AP2A2: variants seen among roughly 807,000 people sequenced by gnomAD.
AP2A2 encodes AP-2 complex subunit alpha-2.
Under a neutral mutation model 104.2 loss-of-function variants are expected in AP2A2, and 32 were observed. The ratio of observed to expected loss-of-function variants is 0.31; its 90% CI spans 0.23 to 0.41. The LOEUF (loss-of-function observed/expected upper bound fraction) is 0.41. Among genes scored for constraint, AP2A2 ranks in the 10% least tolerant of loss-of-function variants. The probability of loss-of-function intolerance (pLI) is 1.00; values close to 1 mark genes in which losing one functional copy is unlikely to be tolerated. For synonymous variants in AP2A2, 539 were observed against 533.3 expected (o/e 1.01, Z -0.15); for missense variants, 912 against 1,261.0 (o/e 0.72, Z 4.19).
chr11:977,253 G>A (rs200699117), intron 5 of AP2A2, 29 bp downstream of exon 5: 132 of 1,552,908 alleles, frequency 8.5e-5, no homozygotes, highest in Admixed American at 2.6e-4. Flanking sequence ...GGTTCTCCCC[G>A]CTCCCCCAGG....
intron 1 of AP2A2, chr11:933,535 A>T (rs1464122853): frequency 2.2e-6 from 1 of 456,258 alleles, no homozygotes; most frequent in Non-Finnish European, 4.4e-6. Context: ...GTGTGGTAAG[A>T]TGAGCTCTGT....
rs767320784 is a variant in AP2A2, at chr11:986,929, C to T, written c.1107C>T (p.Ile369=). 33 of 1,594,568 alleles carry T rather than the reference C, an allele frequency of 2.1e-5. No individual in the cohort carries two copies. Among genetic ancestry groups the T allele is most frequent in the Admixed American group, 3.5e-5 (2 of 57,006 alleles). Residue 369 remains isoleucine (I), a synonymous_variant, in exon 9 of 22, where the codon ATC becomes ATT. Transcript: ENST00000448903. ...CCCATGAGGCTGTCAAGACGCACATCGAGACGGTCATCAACGCCCTGAAGG... is the reference window on the plus strand; with the variant it reads ...CCCATGAGGCTGTCAAGACGCACATTGAGACGGTCATCAACGCCCTGAAGG... ...EFSHEAVKTH[I]ETVINALKTE...
chr11:958,482 A>G (rs1031673351), intron 1 of AP2A2, among the ~76,000 whole-genome samples: 1 of 152,224 alleles, frequency 6.6e-6, no homozygotes, highest in African/African-American at 2.4e-5. Context: ...GTGTCAGTTC[A>G]GGTATTTTGA....
chr11:966,569 A>G (rs983974432), intron 2 of AP2A2, among the ~76,000 whole-genome samples: 3 of 152,192 alleles, frequency 2.0e-5, no homozygotes, highest in South Asian at 2.1e-4. Flanking sequence ...TTGCTTGATT[A>G]TTAATTCATT....
At chr11:990,661 A>G (rs1193371830) in intron 10 of AP2A2, among the ~76,000 whole-genome samples, 1 of 151,936 alleles carries the variant, frequency 6.6e-6, no homozygotes, top group Non-Finnish European at 1.5e-5. Context: ...TCAGCCGGAC[A>G]TGATGCTCCC....
chr11:1,000,955 G>A (rs1211258846), intron 15 of AP2A2, among the ~76,000 whole-genome samples: 3 of 152,124 alleles, frequency 2.0e-5, no homozygotes, highest in Non-Finnish European at 2.9e-5. Flanking sequence ...TCCTCTCTTC[G>A]CCTCTTTCCT....
intron 18 of AP2A2, chr11:1,008,781 T>A (rs1856299627): frequency 9.7e-6 from 4 of 411,952 alleles, no homozygotes; most frequent in Admixed American, 4.1e-5. Context: ...TCATTCTTTG[T>A]GCAAATGCCT....
At chr11:1,009,866 T>A (rs936105308) in intron 21 of AP2A2, 49 bp downstream of exon 21, 2 of 1,521,276 alleles carry the variant, frequency 1.3e-6, no homozygotes, top group South Asian at 1.2e-5. Flanking sequence ...CTTTTTATTC[T>A]GGCACAATGT....
Position 1,010,888 on chromosome 11 carries a change from G to C in AP2A2, c.*263G>C, listed in dbSNP as rs1370274337. ...TTTTTATAAAAATCGAGACAGTTCT[G>C]TGGTTAAATCTACAAATTAAAGGGA... On this transcript the variant is annotated 3_prime_UTR_variant, in exon 22 of 22. Coordinates refer to ENST00000448903, the MANE Select transcript of AP2A2 (RefSeq NM_012305.4). 3.1e-6 allele frequency: 2 copies of C among 649,058 alleles called. No individual in the cohort carries two copies. Among genetic ancestry groups the C allele is most frequent in the Non-Finnish European group, 5.5e-6 (2 of 361,530 alleles). 40.2% of individuals were successfully genotyped at this position (649,058 alleles called of 1,614,324 possible). A position where few individuals can be genotyped will look rare whatever the true frequency, so the allele number is the denominator to read the frequency against.
intron 18 of AP2A2, chr11:1,008,873 A>T (rs1856301797): frequency 1.8e-6 from 1 of 569,024 alleles, no homozygotes; most frequent in African/African-American, 1.9e-5. Flanking sequence ...GAAGTGAGGC[A>T]CAGGGACGTC....
chr11:1,009,173 A>T lies in AP2A2; in HGVS notation c.2494A>T (p.Met832Leu). Residue 832 changes from methionine (M) to leucine (L), a missense_variant, in exon 19 of 22, where the codon ATG (methionine) becomes TTG (leucine). Coordinates refer to ENST00000448903, the MANE Select transcript of AP2A2 (RefSeq NM_012305.4). ...TLNKFFQPTE[M>L]ASQDFFQRWK... ...CAACAAATTCTTCCAGCCGACAGAAATGGCTTCTCAGGATTTCTTTCAACG... is the reference window on the plus strand; with the variant it reads ...CAACAAATTCTTCCAGCCGACAGAATTGGCTTCTCAGGATTTCTTTCAACG... 10 of 1,613,776 alleles carry T rather than the reference A, an allele frequency of 6.2e-6. No homozygotes were observed. Among genetic ancestry groups the T allele is most frequent in the Non-Finnish European group, 7.6e-6 (9 of 1,179,882 alleles).
chr11:983,096 C>T (rs893510290), intron 6 of AP2A2, among the ~76,000 whole-genome samples: 1 of 139,844 alleles, frequency 7.2e-6, no homozygotes, highest in Non-Finnish European at 1.5e-5. Flanking sequence ...TCTCGGTTTA[C>T]CACAACCTCT....
chr11:983,482 A>T (rs1022898567), intron 6 of AP2A2, among the ~76,000 whole-genome samples: 1 of 151,868 alleles, frequency 6.6e-6, no homozygotes, highest in African/African-American at 2.4e-5. Flanking sequence ...TCCTGGGTTC[A>T]CGCCATTCTC....
intron 1 of AP2A2, among the ~76,000 whole-genome samples, chr11:938,473 G>A (rs1218881293): frequency 6.7e-6 from 1 of 149,520 alleles, no homozygotes; most frequent in African/African-American, 2.5e-5. Flanking sequence ...TCAAATGTTT[G>A]TATGTTTTTT....
intron 18 of AP2A2, chr11:1,008,386 GGGCACCATGGGGC>G: frequency 2.1e-6 from 1 of 477,280 alleles, no homozygotes; most frequent in Non-Finnish European, 3.6e-6. Flanking sequence ...GGATCTTTCT[GGGCACCATGGGGC>G]CCACCTCATG....
At chr11:952,230 C>G (rs1219833794) in intron 1 of AP2A2, among the ~76,000 whole-genome samples, 3 of 152,186 alleles carry the variant, frequency 2.0e-5, no homozygotes, top group Non-Finnish European at 4.4e-5. Context: ...ATTGCAAGGA[C>G]AGAAGATTTT....
intron 1 of AP2A2, among the ~76,000 whole-genome samples, chr11:949,962 T>C (rs1175199093): frequency 1.3e-5 from 2 of 152,164 alleles, no homozygotes; most frequent in East Asian, 3.8e-4. Flanking sequence ...ATTCACATGC[T>C]GATTCCAAAA....
chr11:987,965 C>T (rs1294224339), intron 9 of AP2A2, among the ~76,000 whole-genome samples: 1 of 152,246 alleles, frequency 6.6e-6, no homozygotes, highest in African/African-American at 2.4e-5. Flanking sequence ...CTGGATTCTT[C>T]TTGGTCCTGG....
At chr11:950,109 A>G (rs2134519971) in intron 1 of AP2A2, among the ~76,000 whole-genome samples, 1 of 152,278 alleles carries the variant, frequency 6.6e-6, no homozygotes, top group South Asian at 2.1e-4. Flanking sequence ...GTGCCAAGAT[A>G]ATTCAATGGT....
Sources: gnomAD v4.1 joint callset for allele counts (sites outside exome capture counted in the v4.1 genomes callset) on GRCh38, gnomAD v4.1.1 for gene constraint, MANE v1.5 for transcripts, NCBI Gene and HGNC (gene_info 2026-07-23, HGNC 2026-07-21) for gene names.